The following CDH12 variants were observed in gnomAD, a reference collection of about 807,000 sequenced individuals.
The protein encoded by CDH12 is cadherin 12, also known as cadherin-12.
In CDH12, 41 loss-of-function variants were observed where a neutral mutation model predicts 74.1. The observed-to-expected ratio is 0.55, with a 90% CI of 0.43 to 0.72. The LOEUF is 0.72. Among genes scored for constraint, CDH12 ranks in the 30% least tolerant of loss-of-function variants. The probability of loss-of-function intolerance (pLI) is 0.00; values close to 1 mark genes in which losing one functional copy is unlikely to be tolerated. For missense variants in CDH12, 945 were observed against 977.2 expected, an observed-to-expected ratio of 0.97 and a Z score of 0.44; for synonymous variants, 399 against 355.0, an observed-to-expected ratio of 1.12 and a Z score of -1.39.
intron 2 of CDH12, among the ~76,000 whole-genome samples, chr5:22,483,510 T>G (rs1381468887): frequency 6.6e-6 from 1 of 151,074 alleles, no homozygotes; most frequent in Non-Finnish European, 1.5e-5. Context: ...GATAGATAGT[T>G]GCTGGGCTTG....
At chr5:22,702,931 C>T (rs765328161) in intron 1 of CDH12, among the ~76,000 whole-genome samples, 1 of 152,036 alleles carries the variant, frequency 6.6e-6, no homozygotes, top group Non-Finnish European at 1.5e-5. Context: ...AACTTTTCTG[C>T]AATAAGCAGT....
At chr5:22,376,446 A>G (rs1203969907) in intron 3 of CDH12, among the ~76,000 whole-genome samples, 1 of 152,174 alleles carries the variant, frequency 6.6e-6, no homozygotes, top group African/African-American at 2.4e-5. Flanking sequence ...TAGCTAGAAG[A>G]GAGGACTTGA....
intron 1 of CDH12, among the ~76,000 whole-genome samples, chr5:22,735,887 C>T (rs11954567): frequency 0.032 from 4,898 of 151,746 alleles, 270 homozygotes; most frequent in African/African-American, 0.11. Flanking sequence ...AGTGTCTATA[C>T]GAAAAGTTAT....
intron 6 of CDH12, among the ~76,000 whole-genome samples, chr5:21,873,451 G>C (rs569570494): frequency 6.6e-6 from 1 of 152,206 alleles, no homozygotes; most frequent in African/African-American, 2.4e-5. Flanking sequence ...AATTGCTATT[G>C]CCATTTAACA....
intron 3 of CDH12, among the ~76,000 whole-genome samples, chr5:22,363,542 A>G (rs1404952065): frequency 6.6e-6 from 1 of 152,198 alleles, no homozygotes; most frequent in Admixed American, 6.6e-5. Context: ...ATCTCTACTG[A>G]TTGAAACTGT....
At chr5:22,709,287 TGTTAC>T in intron 1 of CDH12, among the ~76,000 whole-genome samples, 1 of 152,090 alleles carries the variant, frequency 6.6e-6, no homozygotes, top group South Asian at 2.1e-4. Flanking sequence ...AAGCTATATT[TGTTAC>T]AAGGTGGTAC....
At chr5:22,524,059 G>C (rs573156664) in intron 1 of CDH12, among the ~76,000 whole-genome samples, 40 of 149,360 alleles carry the variant, frequency 2.7e-4, no homozygotes, top group African/African-American at 9.9e-4. Context: ...ACGGCTCACT[G>C]CAGCCTTGAC....
At chr5:21,913,626 A>G (rs1753960277) in intron 6 of CDH12, among the ~76,000 whole-genome samples, 1 of 152,142 alleles carries the variant, frequency 6.6e-6, no homozygotes, top group South Asian at 2.1e-4. Context: ...TTATACATAT[A>G]TTAATCAGAA....
intron 5 of CDH12, among the ~76,000 whole-genome samples, chr5:22,071,901 T>C (rs1741965834): frequency 6.6e-6 from 1 of 152,114 alleles, no homozygotes; most frequent in Non-Finnish European, 1.5e-5. Context: ...CTGTATGCAA[T>C]TACCCACTAA....
At chr5:22,348,023 G>T (rs538370316) in intron 3 of CDH12, among the ~76,000 whole-genome samples, 1 of 152,134 alleles carries the variant, frequency 6.6e-6, no homozygotes, top group Non-Finnish European at 1.5e-5. Context: ...CCAACAACCA[G>T]AACCAAAGCT....
chr5:22,088,041 C>T (rs758041180), intron 4 of CDH12, among the ~76,000 whole-genome samples: 26 of 151,976 alleles, frequency 1.7e-4, no homozygotes, highest in African/African-American at 4.8e-4. Context: ...TGTAGTTAAT[C>T]GGGACTGAAT....
At chr5:22,654,091 T>TCTTC (rs778604183) in intron 1 of CDH12, among the ~76,000 whole-genome samples, 27 of 138,432 alleles carry the variant, frequency 2.0e-4, no homozygotes, top group African/African-American at 6.5e-4. Flanking sequence ...CCCCTTCCTT[T>TCTTC]CTTCCTTCCT....
intron 1 of CDH12, among the ~76,000 whole-genome samples, chr5:22,574,376 T>C (rs1048452528): frequency 6.6e-6 from 1 of 152,070 alleles, no homozygotes; most frequent in Admixed American, 6.6e-5. Flanking sequence ...CAGCATTCAT[T>C]TGTCTATTCC....
At chr5:22,299,639 A>G (rs1737781782) in intron 3 of CDH12, among the ~76,000 whole-genome samples, 1 of 152,154 alleles carries the variant, frequency 6.6e-6, no homozygotes, top group African/African-American at 2.4e-5. Flanking sequence ...GCTGTGAGAG[A>G]TTGCCAGGTG....
At chr5:22,261,070 T>TGA (rs1753491271) in intron 3 of CDH12, among the ~76,000 whole-genome samples, 6 of 144,016 alleles carry the variant, frequency 4.2e-5, no homozygotes. Flanking sequence ...TGTGTGTGTG[T>TGA]GTGTATATAC....
intron 6 of CDH12, among the ~76,000 whole-genome samples, chr5:21,922,443 C>T (rs1265795970): frequency 7.9e-5 from 12 of 152,106 alleles, no homozygotes; most frequent in Non-Finnish European, 1.5e-5. Context: ...AAACCTACAT[C>T]TGCTTACCAA....
chr5:22,350,227 G>A (rs1482992819), intron 3 of CDH12, among the ~76,000 whole-genome samples: 3 of 152,110 alleles, frequency 2.0e-5, no homozygotes, highest in Non-Finnish European at 2.9e-5. Flanking sequence ...AATCACAGGA[G>A]TTACAATAGA....
At chr5:21,934,767 C>G (rs1187152560) in intron 6 of CDH12, among the ~76,000 whole-genome samples, 1 of 151,640 alleles carries the variant, frequency 6.6e-6, no homozygotes, top group Admixed American at 6.6e-5. Context: ...TCTTTCTCCC[C>G]CTTTCCCTCC....
At chr5:22,368,828 C>A (rs915154507) in intron 3 of CDH12, among the ~76,000 whole-genome samples, 3 of 152,038 alleles carry the variant, frequency 2.0e-5, no homozygotes, top group Non-Finnish European at 4.4e-5. Context: ...CATGCTCAAC[C>A]TTTATTCCTT....
Sources: gnomAD v4.1 joint callset for allele counts (sites outside exome capture counted in the v4.1 genomes callset) on GRCh38, gnomAD v4.1.1 for gene constraint, MANE v1.5 for transcripts, NCBI Gene and HGNC (gene_info 2026-07-23, HGNC 2026-07-21) for gene names.